Variants in EPHA6 observed in about 807,000 individuals in gnomAD.
EPHA6 encodes the protein EPH receptor A6.
Under a neutral mutation model 112.0 loss-of-function variants are expected in EPHA6, and 50 were observed. That is an observed-to-expected ratio of 0.45 (90% CI 0.36 to 0.56). EPHA6 has a LOEUF of 0.56. EPHA6 is among the 20% of genes least tolerant of loss of function. The pLI, the probability that EPHA6 is intolerant of heterozygous loss-of-function variation, is 0.00. For missense variants in EPHA6, 1,280 were observed against 1,417.4 expected, an observed-to-expected ratio of 0.90 and a Z score of 1.56; for synonymous variants, 529 against 490.7, an observed-to-expected ratio of 1.08 and a Z score of -1.03.
At chr3:96,866,666 T>A (rs1433845568) in intron 1 of EPHA6, among the ~76,000 whole-genome samples, 159 bp from the exon 2 acceptor site, 1 of 151,714 alleles carries the variant, frequency 6.6e-6, no homozygotes, top group Non-Finnish European at 1.5e-5. Flanking sequence ...ATATTAATAT[T>A]TAATATGTAA....
chr3:97,433,897 T>A (rs2089666080), intron 6 of EPHA6, among the ~76,000 whole-genome samples: 1 of 152,068 alleles, frequency 6.6e-6, no homozygotes, highest in African/African-American at 2.4e-5. Context: ...ATCAGATGGT[T>A]ACTACCCCCA....
chr3:96,990,413 G>T (rs1321436600), intron 3 of EPHA6, among the ~76,000 whole-genome samples: 1 of 152,106 alleles, frequency 6.6e-6, no homozygotes, highest in Non-Finnish European at 1.5e-5. Context: ...GAGGGAGTCA[G>T]TACAGAACAA....
chr3:97,665,398 A>G (rs941914997), intron 14 of EPHA6, among the ~76,000 whole-genome samples: 7 of 152,368 alleles, frequency 4.6e-5, no homozygotes, highest in Middle Eastern at 3.4e-3. Context: ...ACCATTCAGG[A>G]CATAGGCCTG....
At chr3:97,633,401 A>C (rs1451902929) in intron 13 of EPHA6, among the ~76,000 whole-genome samples, 1 of 152,082 alleles carries the variant, frequency 6.6e-6, no homozygotes, top group Non-Finnish European at 1.5e-5. Context: ...CTGGGAAGAG[A>C]CCATATGTCA....
intron 2 of EPHA6, among the ~76,000 whole-genome samples, chr3:96,958,238 C>T (rs1293345659): frequency 4.0e-5 from 6 of 151,098 alleles, no homozygotes; most frequent in South Asian, 4.2e-4. Flanking sequence ...TGCAGTGAGC[C>T]GGTACCCCGC....
intron 11 of EPHA6, among the ~76,000 whole-genome samples, chr3:97,578,187 A>G (rs1207604265): frequency 6.6e-6 from 1 of 152,202 alleles, no homozygotes; most frequent in Non-Finnish European, 1.5e-5. Flanking sequence ...CCAAATAAAA[A>G]GTAGAAAAAT....
intron 14 of EPHA6, among the ~76,000 whole-genome samples, chr3:97,669,058 C>CCTT (rs2030493633): frequency 6.6e-6 from 1 of 151,360 alleles, no homozygotes; most frequent in African/African-American, 2.4e-5. Context: ...TGTATCAGTC[C>CCTT]CTTCTAAGGT....
chr3:97,182,024 C>G (rs1040732117), intron 3 of EPHA6, among the ~76,000 whole-genome samples: 1 of 151,980 alleles, frequency 6.6e-6, no homozygotes. Context: ...AGTATAACTG[C>G]CAAAGGTTGT....
chr3:97,509,696 A>G (rs1442581331), intron 10 of EPHA6, among the ~76,000 whole-genome samples: 5 of 152,014 alleles, frequency 3.3e-5, no homozygotes, highest in African/African-American at 1.2e-4. Flanking sequence ...GTATCTTTGT[A>G]GTATTTTTTG....
At chr3:97,038,619 G>A (rs549827121) in intron 3 of EPHA6, among the ~76,000 whole-genome samples, 3 of 152,102 alleles carry the variant, frequency 2.0e-5, no homozygotes, top group South Asian at 2.1e-4. Context: ...AGGACTAAGC[G>A]TGGTAGTCCC....
intron 6 of EPHA6, among the ~76,000 whole-genome samples, chr3:97,445,364 G>T (rs1314517919): frequency 6.6e-6 from 1 of 152,046 alleles, no homozygotes; most frequent in Non-Finnish European, 1.5e-5. Flanking sequence ...GCCTTTGGAG[G>T]TTCACTTTAT....
rs2035832124 is a variant in EPHA6, at chr3:97,749,126, G to A, written c.*425G>A. 4.2e-6 allele frequency: 1 copy of A among 235,616 alleles called. No individual in the cohort carries two copies. The highest frequency in any genetic ancestry group is 6.0e-5 in the East Asian group (1 of 16,576). 14.6% of individuals were successfully genotyped at this position (235,616 alleles called of 1,614,324 possible). A position where few individuals can be genotyped will look rare whatever the true frequency, so the allele number is the denominator to read the frequency against. On this transcript the variant is annotated 3_prime_UTR_variant, in exon 18 of 18. Coordinates refer to ENST00000389672, the MANE Select transcript of EPHA6 (RefSeq NM_001080448.3). Reference sequence around the variant, plus strand: ...TTTGTGATCAAGTAGCTTCCAAACTGACAGAAATGTTTCATTTTTAGATAA... The same window carrying A: ...TTTGTGATCAAGTAGCTTCCAAACTAACAGAAATGTTTCATTTTTAGATAA...
chr3:97,345,094 T>C (rs990141028), intron 5 of EPHA6, among the ~76,000 whole-genome samples: 5 of 150,182 alleles, frequency 3.3e-5, no homozygotes, highest in African/African-American at 1.2e-4. Context: ...AAAAAAAAGG[T>C]CCAACCAACA....
chr3:96,985,243 G>A (rs775483957), intron 2 of EPHA6, among the ~76,000 whole-genome samples: 7 of 152,140 alleles, frequency 4.6e-5, no homozygotes, highest in Non-Finnish European at 8.8e-5. Flanking sequence ...AAAGGATGTA[G>A]TATAGACATT....
chr3:97,268,224 C>A (rs1576807262), intron 5 of EPHA6, among the ~76,000 whole-genome samples: 1 of 152,108 alleles, frequency 6.6e-6, no homozygotes, highest in South Asian at 2.1e-4. Flanking sequence ...AAAAAGCTTT[C>A]TTTTCTAATG....
intron 5 of EPHA6, among the ~76,000 whole-genome samples, chr3:97,309,570 G>GTAACAA (rs2081461048): frequency 1.3e-5 from 2 of 151,566 alleles, no homozygotes. Flanking sequence ...ACTATATACT[G>GTAACAA]ATAATAGTTA....
chr3:97,342,655 C>A (rs537875843), intron 5 of EPHA6, among the ~76,000 whole-genome samples: 1 of 152,248 alleles, frequency 6.6e-6, no homozygotes, highest in South Asian at 2.1e-4. Context: ...GAAGTGGAGT[C>A]CCTTATGATA....
At position 97,445,957 on chromosome 3, in the gene EPHA6, T is replaced by C. The variant is rs541941838; in HGVS notation, c.1732-2611T>C. ...CAGAAAAGCACGCCAACATACCCTA[T>C]CTAAACATATTCAAAATTCAACCTG... On this transcript the variant is annotated intron_variant, in intron 6 of 17. Transcript: ENST00000389672. Among the ~76,000 whole-genome samples the C allele has an allele frequency of 1.3e-4, 20 of 152,148 alleles. No homozygotes were observed. The East Asian group carries it at 3.7e-3, about 28-fold the overall frequency.
In EPHA6 at chr3:97,026,837, G is replaced by C. The variant is rs148169719; in HGVS notation, c.1114+38844G>C. 4.5e-3 allele frequency among the ~76,000 whole-genome samples: 679 copies of C among 152,260 alleles called. 6 individuals carry two copies. The highest frequency in any genetic ancestry group is 0.016 in the African/African-American group (654 of 41,546). On this transcript the variant is annotated intron_variant, in intron 3 of 17. Transcript: ENST00000389672. The stretch of plus-strand genomic sequence containing the variant: ...AAGAAATCATATTTATACACTGCTA[G>C]TGAGAGTGTAAATTAGTTCATCCAT...
Sources: allele counts gnomAD v4.1 joint callset (sites outside exome capture counted in the v4.1 genomes callset), GRCh38; gene constraint gnomAD v4.1.1; transcripts MANE v1.5; gene names NCBI Gene and HGNC (gene_info 2026-07-23, HGNC 2026-07-21).